The following CD82 variants were observed in gnomAD, a reference collection of about 807,000 sequenced individuals.
CD82 encodes the protein CD82 molecule.
A neutral mutation model predicts 37.4 loss-of-function variants in CD82; 36 were observed. That is an observed-to-expected ratio of 0.96 (90% CI 0.74 to 1.27). The LOEUF is 1.27. Ranked by LOEUF, CD82 falls within the 50% of genes most tolerant of loss-of-function variation. The pLI is 0.00. For synonymous variants in CD82, 158 were observed against 137.4 expected (o/e 1.15, Z -1.05); for missense variants, 340 against 347.0 (o/e 0.98, Z 0.16).
At chr11:44,588,234 GT>G (rs34456560) in intron 2 of CD82, among the ~76,000 whole-genome samples, 141 of 148,412 alleles carry the variant, frequency 9.5e-4, no homozygotes, top group African/African-American at 3.3e-3. Flanking sequence ...TTTGTTTTTT[GT>G]TTTTTTTAGG....
chr11:44,613,360 C>T (rs57424204), intron 6 of CD82, among the ~76,000 whole-genome samples: 26,810 of 152,182 alleles, frequency 0.18, 2,782 homozygotes, highest in African/African-American at 0.28. Context: ...CTGCCCTCAG[C>T]GGGCTCTGGG....
intron 4 of CD82, among the ~76,000 whole-genome samples, chr11:44,603,861 C>T (rs746533292): frequency 3.9e-5 from 6 of 152,222 alleles, no homozygotes; most frequent in Non-Finnish European, 5.9e-5. Context: ...TCCTAAGCAT[C>T]ATTTCCTCCC....
In CD82 at chr11:44,587,504, G is replaced by A. The variant is rs764119634; in HGVS notation, c.-73G>A. 2.3e-4 allele frequency: 103 copies of A among 456,224 alleles called. No individual in the cohort carries two copies. The highest frequency in any genetic ancestry group is 3.9e-4 in the Non-Finnish European group (88 of 226,974). The allele number at this position is 456,224 out of a possible 1,614,324, so 28.3% of individuals were successfully genotyped here. ...CTCCCTGCTGCTGTGTGGACGACAC[G>A]TGGGCACAGGCAGAAGTGGGCCCTG... On this transcript the variant is annotated 5_prime_UTR_variant, in exon 2 of 10. It adds an upstream start codon to the 5' untranslated region. Coordinates refer to ENST00000227155, the MANE Select transcript of CD82 (RefSeq NM_002231.4).
In CD82 at chr11:44,619,622, G is replaced by A. The variant is rs111384781; in HGVS notation, c.*496G>A. On this transcript the variant is annotated 3_prime_UTR_variant, in exon 10 of 10. Coordinates refer to ENST00000227155, the MANE Select transcript of CD82 (RefSeq NM_002231.4). Reference sequence around the variant, plus strand: ...CTAAAAATACAAAAAAAATTTAGCCGGGCGCGGTGGCGGGCACCTGTAGTC... The same window carrying A: ...CTAAAAATACAAAAAAAATTTAGCCAGGCGCGGTGGCGGGCACCTGTAGTC... The A allele has an allele frequency of 0.032, 4,888 of 153,430 alleles. 132 individuals carry two copies. Among genetic ancestry groups the A allele is most frequent in the South Asian group, 0.056 (279 of 5,022 alleles). 9.5% of individuals were successfully genotyped at this position (153,430 alleles called of 1,614,324 possible). A position where few individuals can be genotyped will look rare whatever the true frequency, so the allele number is the denominator to read the frequency against.
At chr11:44,587,350 T>C (rs1170769967) in intron 1 of CD82, 125 bp from the exon 2 acceptor site, 1 of 438,536 alleles carries the variant, frequency 2.3e-6, no homozygotes, top group Non-Finnish European at 4.6e-6. Flanking sequence ...GACAGAGGAA[T>C]GGCAACCCTG....
chr11:44,619,475 G>A lies in CD82; in HGVS notation c.*349G>A, dbSNP rs1063031. ...GGGCAACTGTATGAAAAATTGGGGA[G>A]GAGGGGGCCGGGCGCGGTGGCTCAC... On this transcript the variant is annotated 3_prime_UTR_variant, in exon 10 of 10. Transcript: ENST00000227155. The A allele has an allele frequency of 0.093, 18,975 of 203,836 alleles. 1,149 individuals carry two copies. The highest frequency in any genetic ancestry group is 0.13 in the Non-Finnish European group (13,186 of 99,782). The allele number at this position is 203,836 out of a possible 1,614,324, so 12.6% of individuals were successfully genotyped here.
chr11:44,606,932 G>A (rs201200300), intron 6 of CD82: 1 of 152,330 alleles, frequency 6.6e-6, no homozygotes, highest in East Asian at 1.9e-4. Flanking sequence ...GAGAATCCCC[G>A]TCCTGCAGAT....
At chr11:44,585,514 G>T (rs77626150) in intron 1 of CD82, among the ~76,000 whole-genome samples, 101 of 152,312 alleles carry the variant, frequency 6.6e-4, no homozygotes, top group Non-Finnish European at 1.3e-3. Flanking sequence ...AGCATAGATT[G>T]TGCCCTACTA....
At chr11:44,598,656 C>T (rs907753671) in intron 3 of CD82, among the ~76,000 whole-genome samples, 2 of 152,006 alleles carry the variant, frequency 1.3e-5, no homozygotes, top group African/African-American at 4.8e-5. Flanking sequence ...GTGATCTACC[C>T]GCCTGAGTTT....
chr11:44,618,862 T>G, intron 9 of CD82, 139 bp downstream of exon 9: 2 of 845,186 alleles, frequency 2.4e-6, no homozygotes, highest in Non-Finnish European at 3.8e-6. Flanking sequence ...CTGAGCACTG[T>G]CTGGCTGTGT....
chr11:44,608,463 T>A (rs1853431903), intron 6 of CD82, among the ~76,000 whole-genome samples: 1 of 152,192 alleles, frequency 6.6e-6, no homozygotes, highest in Non-Finnish European at 1.5e-5. Context: ...CAGGTTGAAG[T>A]GAACACAGAC....
chr11:44,604,974 G>C, intron 4 of CD82, 84 bp from the exon 5 acceptor site: 1 of 1,596,032 alleles, frequency 6.3e-7, no homozygotes, highest in Non-Finnish European at 8.6e-7. Context: ...CTCCAAAGAG[G>C]GGATCCGGAA....
At chr11:44,612,399 A>G (rs527799034) in intron 6 of CD82, among the ~76,000 whole-genome samples, 1 of 152,170 alleles carries the variant, frequency 6.6e-6, no homozygotes, top group Non-Finnish European at 1.5e-5. Flanking sequence ...GTGAAGATTC[A>G]GTTGAGATAA....
At chr11:44,617,133 G>A (rs532464676) in intron 7 of CD82, among the ~76,000 whole-genome samples, 33 of 152,308 alleles carry the variant, frequency 2.2e-4, no homozygotes, top group African/African-American at 7.0e-4. Context: ...TGCTGTGACC[G>A]TGGCTATCCC....
intron 3 of CD82, chr11:44,596,872 A>G (rs1253097688): frequency 4.4e-6 from 2 of 455,842 alleles, no homozygotes; most frequent in Non-Finnish European, 8.8e-6. Flanking sequence ...CTTCCATCAA[A>G]TAACTACTCA....
At chr11:44,580,020 G>C (rs1400831164) in intron 1 of CD82, among the ~76,000 whole-genome samples, 1 of 152,206 alleles carries the variant, frequency 6.6e-6, no homozygotes. Context: ...CACAGACAGA[G>C]ATAGGGACCC....
intron 4 of CD82, among the ~76,000 whole-genome samples, chr11:44,604,094 C>A (rs532344360): frequency 2.0e-5 from 3 of 152,334 alleles, no homozygotes; most frequent in Admixed American, 2.0e-4. Flanking sequence ...CCCAGCCCAG[C>A]AGTTCTCTGC....
In CD82 at chr11:44,597,113, T is replaced by G. The variant is rs1565088665; in HGVS notation, c.63+2388T>G. Reference sequence around the variant, plus strand: ...TTTGTTTTATGCACATTGGGAGGGGTTTCGTGGTTGGATTTGTGGTTTGGA... The same window carrying G: ...TTTGTTTTATGCACATTGGGAGGGGGTTCGTGGTTGGATTTGTGGTTTGGA... On this transcript the variant is annotated intron_variant, in intron 3 of 9. Transcript: ENST00000227155. The surrounding 1 kb of genome is among the most constrained non-coding windows in gnomAD (Gnocchi z 4.1). The G allele has an allele frequency of 2.3e-6, 1 of 440,058 alleles. No homozygotes were observed. Among genetic ancestry groups the G allele is most frequent in the African/African-American group, 2.0e-5 (1 of 49,370 alleles). 27.3% of individuals were successfully genotyped at this position (440,058 alleles called of 1,614,324 possible).
chr11:44,584,932 C>A (rs1853031399), intron 1 of CD82, among the ~76,000 whole-genome samples: 1 of 152,242 alleles, frequency 6.6e-6, no homozygotes, highest in African/African-American at 2.4e-5. Flanking sequence ...TGCAGATGGG[C>A]TGGCATCCAG....
Sources: gnomAD v4.1 joint callset for allele counts (sites outside exome capture counted in the v4.1 genomes callset) on GRCh38, gnomAD v4.1.1 for gene constraint, Gnocchi (gnomAD v3.1) non-coding constraint, MANE v1.5 for transcripts, NCBI Gene and HGNC (gene_info 2026-07-23, HGNC 2026-07-21) for gene names.